Variants in GABRG3 observed in about 807,000 individuals in gnomAD.
GABRG3 encodes the protein gamma-aminobutyric acid receptor subunit gamma-3.
GABRG3 carries 25 observed loss-of-function variants against 48.8 expected under a neutral mutation model. That is an observed-to-expected ratio of 0.51 (90% CI 0.37 to 0.72). The LOEUF (loss-of-function observed/expected upper bound fraction) is 0.72, where lower values mean the gene tolerates loss of function less well. Among genes scored for constraint, GABRG3 ranks in the 30% least tolerant of loss-of-function variants. GABRG3 has a pLI of 0.00. For synonymous variants in GABRG3, 227 were observed against 217.6 expected, an observed-to-expected ratio of 1.04 and a Z score of -0.38; for missense variants, 394 against 577.9, an observed-to-expected ratio of 0.68 and a Z score of 3.26.
intron 5 of GABRG3, among the ~76,000 whole-genome samples, chr15:27,429,017 A>G (rs1888372154): frequency 6.6e-6 from 1 of 152,228 alleles, no homozygotes; most frequent in Admixed American, 6.5e-5. Context: ...ATATATTTTA[A>G]AAGATATAGT....
intron 3 of GABRG3, among the ~76,000 whole-genome samples, chr15:27,061,314 T>A (rs1175697158): frequency 6.6e-6 from 1 of 152,124 alleles, no homozygotes. Flanking sequence ...TGGCTAACGG[T>A]GTGAGAACAC....
chr15:27,529,613 A>C (rs1355390850), intron 9 of GABRG3, among the ~76,000 whole-genome samples: 1 of 151,574 alleles, frequency 6.6e-6, no homozygotes, highest in Non-Finnish European at 1.5e-5. Context: ...GGATCGTGAT[A>C]GTTCTTCCAG....
At chr15:27,182,153 A>C (rs1887951105) in intron 3 of GABRG3, among the ~76,000 whole-genome samples, 1 of 152,110 alleles carries the variant, frequency 6.6e-6, no homozygotes, top group African/African-American at 2.4e-5. Context: ...TCAATTTCAC[A>C]TCAGCTCTGG....
At chr15:27,400,513 T>C (rs1013737150) in intron 5 of GABRG3, among the ~76,000 whole-genome samples, 5 of 152,238 alleles carry the variant, frequency 3.3e-5, no homozygotes, top group African/African-American at 7.2e-5. Context: ...ACTTTATTAC[T>C]CTTCCATTCA....
At chr15:27,226,806 C>CT (rs1889635402) in intron 3 of GABRG3, among the ~76,000 whole-genome samples, 1 of 152,212 alleles carries the variant, frequency 6.6e-6, no homozygotes, top group African/African-American at 2.4e-5. Flanking sequence ...CACCTTGTCC[C>CT]TTTGGCCATA....
chr15:27,334,456 A>G (rs573802633), intron 5 of GABRG3, among the ~76,000 whole-genome samples: 28 of 152,300 alleles, frequency 1.8e-4, no homozygotes, highest in African/African-American at 6.3e-4. Context: ...TAAAATCCCA[A>G]AGTTGAGATG....
chr15:27,491,896 C>A (rs554988084), intron 6 of GABRG3, among the ~76,000 whole-genome samples: 7 of 152,274 alleles, frequency 4.6e-5, no homozygotes, highest in South Asian at 2.1e-4. Context: ...TCTAAATTTT[C>A]TTCTTATTAC....
intron 3 of GABRG3, among the ~76,000 whole-genome samples, chr15:27,241,279 G>A (rs1040988925): frequency 6.6e-6 from 1 of 152,164 alleles, no homozygotes. Flanking sequence ...TGGGAAACCT[G>A]TATCTCTCCA....
In GABRG3 at chr15:27,053,682, C is replaced by T. The variant is rs146888461; in HGVS notation, c.270+26861C>T. Among the ~76,000 whole-genome samples the T allele has an allele frequency of 3.3e-5, 5 of 152,278 alleles. 1 individual carries two copies. The East Asian group carries it at 9.6e-4, about 29-fold the overall frequency. On this transcript the variant is annotated intron_variant, in intron 3 of 9. Transcript: ENST00000615808. ...AACGACATATGCACTTGTATGTTCA[C>T]TGCACCACTATTCACAATAGCAAAG...
chr15:27,375,586 G>A (rs1415394890), intron 5 of GABRG3, among the ~76,000 whole-genome samples: 1 of 152,170 alleles, frequency 6.6e-6, no homozygotes, highest in Non-Finnish European at 1.5e-5. Context: ...CATGGCTGGG[G>A]AGGCTTCACG....
chr15:27,294,242 T>G (rs1425866553), intron 3 of GABRG3, among the ~76,000 whole-genome samples: 3 of 149,846 alleles, frequency 2.0e-5, no homozygotes, highest in Non-Finnish European at 3.0e-5. Context: ...TTTTTTTTTT[T>G]GAGACAAGCT....
At chr15:27,139,510 C>A (rs1898067705) in intron 3 of GABRG3, among the ~76,000 whole-genome samples, 2 of 152,174 alleles carry the variant, frequency 1.3e-5, no homozygotes, top group Non-Finnish European at 2.9e-5. Context: ...AACACCCTCA[C>A]AAACACACTC....
chr15:27,285,229 C>T (rs374548703), intron 3 of GABRG3, among the ~76,000 whole-genome samples: 2 of 149,712 alleles, frequency 1.3e-5, no homozygotes, highest in East Asian at 4.0e-4. Flanking sequence ...TTGCATCTTC[C>T]CTAGATAAAT....
chr15:27,221,174 C>T (rs1217264503), intron 3 of GABRG3, among the ~76,000 whole-genome samples: 2 of 152,002 alleles, frequency 1.3e-5, no homozygotes, highest in African/African-American at 4.8e-5. Flanking sequence ...TGAGAGAGAT[C>T]GACCTGTTCA....
At chr15:27,135,802 A>T (rs1897998940) in intron 3 of GABRG3, among the ~76,000 whole-genome samples, 1 of 152,148 alleles carries the variant, frequency 6.6e-6, no homozygotes, top group Admixed American at 6.5e-5. Context: ...CTACTCAGGA[A>T]GCTGAAGCAG....
chr15:27,492,455 T>G (rs1349299415), intron 6 of GABRG3, among the ~76,000 whole-genome samples: 2 of 152,188 alleles, frequency 1.3e-5, no homozygotes, highest in Non-Finnish European at 2.9e-5. Flanking sequence ...CTGCAGCAGC[T>G]GCCAGCCCTG....
intron 5 of GABRG3, among the ~76,000 whole-genome samples, chr15:27,330,151 A>G (rs1251789398): frequency 1.3e-5 from 2 of 152,090 alleles, no homozygotes; most frequent in Non-Finnish European, 2.9e-5. Flanking sequence ...GAGGCAGGAG[A>G]ATTGCTTGAA....
intron 3 of GABRG3, among the ~76,000 whole-genome samples, chr15:27,134,591 T>C (rs1897975278): frequency 6.6e-6 from 1 of 152,140 alleles, no homozygotes; most frequent in African/African-American, 2.4e-5. Flanking sequence ...GTCCCACCCA[T>C]GCCCGGCTTC....
chr15:27,155,647 A>G (rs1274629952), intron 3 of GABRG3, among the ~76,000 whole-genome samples: 2 of 152,076 alleles, frequency 1.3e-5, no homozygotes, highest in Non-Finnish European at 2.9e-5. Flanking sequence ...CCTTGGGTTT[A>G]TTTATTGGGT....
Sources: gnomAD v4.1 joint callset for allele counts (sites outside exome capture counted in the v4.1 genomes callset) on GRCh38, gnomAD v4.1.1 for gene constraint, MANE v1.5 for transcripts, NCBI Gene and HGNC (gene_info 2026-07-23, HGNC 2026-07-21) for gene names.